POU6F2: variants seen among roughly 807,000 people sequenced by gnomAD.
POU6F2 encodes POU domain, class 6, transcription factor 2.
POU6F2 carries 31 observed loss-of-function variants against 71.3 expected under a neutral mutation model. The ratio of observed to expected loss-of-function variants is 0.43; its 90% CI spans 0.33 to 0.59. POU6F2 has a LOEUF of 0.59. POU6F2 is among the 20% of genes least tolerant of loss of function. The pLI, the probability that POU6F2 is intolerant of heterozygous loss-of-function variation, is 0.04. For synonymous variants in POU6F2, 347 were observed against 355.7 expected (o/e 0.98, Z 0.27); for missense variants, 783 against 856.8 (o/e 0.91, Z 1.07).
intron 1 of POU6F2, chr7:39,034,385 GA>G (rs535979924): frequency 2.6e-5 from 8 of 307,240 alleles, no homozygotes; most frequent in African/African-American, 1.7e-4. Context: ...GAGTAGGAGA[GA>G]GGGGGGAGGC....
At chr7:39,086,136 G>C (rs184152138) in intron 2 of POU6F2, 105 bp downstream of exon 2, 13 of 1,180,008 alleles carry the variant, frequency 1.1e-5, no homozygotes, top group South Asian at 1.6e-5. Context: ...CAGTTTTCCC[G>C]TAAGTACTAA....
chr7:39,280,015 G>A (rs7806189), intron 4 of POU6F2, among the ~76,000 whole-genome samples: 41,044 of 151,888 alleles, frequency 0.27, 6,299 homozygotes, highest in African/African-American at 0.41. Context: ...AAAGTGCTGG[G>A]ATTGTAGATG....
intron 1 of POU6F2, among the ~76,000 whole-genome samples, chr7:39,074,512 G>A (rs1042779853): frequency 6.6e-6 from 1 of 151,974 alleles, no homozygotes; most frequent in African/African-American, 2.4e-5. Flanking sequence ...TTTAAAAAAT[G>A]TCTTTCTTCT....
chr7:39,090,617 G>C (rs948660700), intron 2 of POU6F2, among the ~76,000 whole-genome samples: 1 of 152,156 alleles, frequency 6.6e-6, no homozygotes, highest in African/African-American at 2.4e-5. Context: ...TTAAACCCAA[G>C]AGGGATTTAG....
intron 2 of POU6F2, among the ~76,000 whole-genome samples, chr7:39,093,424 C>G (rs1046281669): frequency 6.6e-6 from 1 of 151,956 alleles, no homozygotes; most frequent in African/African-American, 2.4e-5. Context: ...GTTAGTTTAG[C>G]TCACAAATGA....
chr7:39,003,343 C>T (rs1788966478), intron 1 of POU6F2, among the ~76,000 whole-genome samples: 1 of 151,378 alleles, frequency 6.6e-6, no homozygotes, highest in Admixed American at 6.6e-5. Context: ...GTTGTTTTCA[C>T]CTTTGATCTA....
intron 7 of POU6F2, among the ~76,000 whole-genome samples, chr7:39,448,806 A>G (rs1165225165): frequency 6.6e-6 from 1 of 152,240 alleles, no homozygotes; most frequent in African/African-American, 2.4e-5. Context: ...TGATTCAGTT[A>G]CTCAAAACTG....
intron 2 of POU6F2, among the ~76,000 whole-genome samples, chr7:39,196,923 G>A (rs900660453): frequency 2.0e-5 from 3 of 152,150 alleles, no homozygotes; most frequent in African/African-American, 7.2e-5. Context: ...CAGTGGAATC[G>A]GCAGCGAGCT....
intron 2 of POU6F2, among the ~76,000 whole-genome samples, chr7:39,108,214 G>T (rs1157361597): frequency 2.0e-5 from 3 of 152,170 alleles, no homozygotes; most frequent in Non-Finnish European, 4.4e-5. Flanking sequence ...TCTTGGCATG[G>T]AGTGTCTAGA....
At chr7:38,997,946 C>T (rs1788785932) in intron 1 of POU6F2, among the ~76,000 whole-genome samples, 1 of 152,150 alleles carries the variant, frequency 6.6e-6, no homozygotes, top group African/African-American at 2.4e-5. Context: ...AGTGGCCAAA[C>T]CTGGAAGAGT....
intron 1 of POU6F2, chr7:39,006,979 C>A: frequency 9.2e-7 from 1 of 1,088,164 alleles, no homozygotes; most frequent in Non-Finnish European, 1.4e-6. Flanking sequence ...TTCCTTGAGT[C>A]AAATGAGTGA....
chr7:39,240,053 A>G (rs6974992), intron 4 of POU6F2, among the ~76,000 whole-genome samples: 36,919 of 152,014 alleles, frequency 0.24, 5,458 homozygotes, highest in African/African-American at 0.42. Flanking sequence ...TTGAAGGACC[A>G]GGAAAGGAGT....
intron 1 of POU6F2, among the ~76,000 whole-genome samples, chr7:39,038,877 G>T (rs963394976): frequency 6.6e-6 from 1 of 151,866 alleles, no homozygotes; most frequent in Non-Finnish European, 1.5e-5. Flanking sequence ...TCTTACCCCA[G>T]TATCTCCTTC....
chr7:39,356,465 A>G (rs912771523), intron 5 of POU6F2, among the ~76,000 whole-genome samples: 4 of 152,174 alleles, frequency 2.6e-5, no homozygotes, highest in African/African-American at 7.2e-5. Flanking sequence ...CTGAACTCGT[A>G]TATTGGGCAC....
At chr7:39,259,489 G>C (rs1299772349) in intron 4 of POU6F2, among the ~76,000 whole-genome samples, 1 of 152,164 alleles carries the variant, frequency 6.6e-6, no homozygotes, top group Non-Finnish European at 1.5e-5. Context: ...GAAGTCAAAA[G>C]GCAAGCGAGA....
intron 1 of POU6F2, among the ~76,000 whole-genome samples, chr7:38,989,496 T>C (rs937957904): frequency 5.3e-5 from 8 of 152,030 alleles, no homozygotes; most frequent in Non-Finnish European, 1.0e-4. Flanking sequence ...GATTATAAAA[T>C]AGCATTTGAG....
At chr7:39,261,886 G>A (rs906073125) in intron 4 of POU6F2, among the ~76,000 whole-genome samples, 3 of 152,312 alleles carry the variant, frequency 2.0e-5, no homozygotes, top group Non-Finnish European at 2.9e-5. Context: ...TAGATGTAAA[G>A]GAAATGAGCC....
At chr7:39,379,482 T>A (rs1786781204) in intron 5 of POU6F2, among the ~76,000 whole-genome samples, 1 of 152,056 alleles carries the variant, frequency 6.6e-6, no homozygotes, top group South Asian at 2.1e-4. Context: ...GCAGAATCAT[T>A]TCACCTCCCT....
intron 5 of POU6F2, among the ~76,000 whole-genome samples, chr7:39,371,243 G>T (rs1208662386): frequency 2.7e-5 from 4 of 150,860 alleles, no homozygotes; most frequent in Non-Finnish European, 5.9e-5. Flanking sequence ...GCAGTGGCAC[G>T]ATCTTGGCTC....
Sources: allele counts gnomAD v4.1 joint callset (sites outside exome capture counted in the v4.1 genomes callset), GRCh38; gene constraint gnomAD v4.1.1; transcripts MANE v1.5; gene names NCBI Gene and HGNC (gene_info 2026-07-23, HGNC 2026-07-21).